The following CRMP1 variants were observed in gnomAD, a reference collection of about 807,000 sequenced individuals.
The protein encoded by CRMP1 is collapsin response mediator protein 1.
In CRMP1, 19 loss-of-function variants were observed where a neutral mutation model predicts 68.3. The ratio of observed to expected loss-of-function variants is 0.28; its 90% confidence interval spans 0.19 to 0.41. The LOEUF is 0.41. Ranked by LOEUF, CRMP1 falls within the 10% of genes least tolerant of loss-of-function variation. CRMP1 has a pLI of 1.00. For synonymous variants in CRMP1, 439 were observed against 399.6 expected, an observed-to-expected ratio of 1.10 and a Z score of -1.18; for missense variants, 791 against 967.4, an observed-to-expected ratio of 0.82 and a Z score of 2.42.
Position 5,854,941 on chromosome 4 carries a change from T to C in CRMP1, c.820+1202A>G, listed in dbSNP as rs1310579863. On this transcript the variant is annotated intron_variant, in intron 4 of 13. Coordinates refer to ENST00000324989, the MANE Select transcript of CRMP1 (RefSeq NM_001014809.3). The surrounding 1 kb of genome is among the most constrained non-coding windows in gnomAD (Gnocchi z 4.0). ...GCAAACAAATGTTTATATACAAAGA[T>C]GTTCACCGTAACAGGATTTATAATA... 6.6e-6 allele frequency among the ~76,000 whole-genome samples: 1 copy of C among 152,198 alleles called. No homozygotes were observed. Among genetic ancestry groups the C allele is most frequent in the Non-Finnish European group, 1.5e-5 (1 of 68,042 alleles).
rs929085208 is a variant in CRMP1 at position 5,891,556 on chromosome 4, C to T, written c.381+1033G>A. 6.6e-6 allele frequency among the ~76,000 whole-genome samples: 1 copy of T among 152,246 alleles called. No individual in the cohort carries two copies. Among genetic ancestry groups the T allele is most frequent in the Non-Finnish European group, 1.5e-5 (1 of 68,042 alleles). On this transcript the variant is annotated intron_variant, in intron 1 of 13. Transcript: ENST00000324989. This position sits in a 1 kb window ranked among gnomAD's most constrained non-coding sequence, Gnocchi z 5.2. ...ACAATGAATCCGTCGCTCACCCTAG[C>T]CTGGGAACTTCTGGAGGGTGGGGCC... is the stretch of plus-strand genomic sequence containing the variant.
intron 6 of CRMP1, among the ~76,000 whole-genome samples, chr4:5,845,060 T>A (rs1366165481): frequency 1.3e-5 from 2 of 152,202 alleles, no homozygotes; most frequent in African/African-American, 4.8e-5. Context: ...CAAAGATGGA[T>A]CTCACACGCC....
At chr4:5,848,470 G>C (rs146832814) in intron 6 of CRMP1, among the ~76,000 whole-genome samples, 116 of 152,290 alleles carry the variant, frequency 7.6e-4, no homozygotes, top group African/African-American at 2.7e-3. Flanking sequence ...TGGTATTACA[G>C]GCGTGAGCCA....
intron 11 of CRMP1, among the ~76,000 whole-genome samples, chr4:5,833,408 C>T (rs1426059670): frequency 2.7e-5 from 4 of 147,596 alleles, no homozygotes; most frequent in Non-Finnish European, 4.5e-5. Context: ...CCTCGTGATC[C>T]GCCCGCCTCG....
rs574459217 is a variant in CRMP1, at chr4:5,858,797, C to T, written c.655+2229G>A. On this transcript the variant is annotated intron_variant, in intron 3 of 13. Transcript: ENST00000324989. This position sits in a 1 kb window ranked among gnomAD's most constrained non-coding sequence, Gnocchi z 5.5. ...GCCCAGGGTTGTCCTCTCCTTCCAG[C>T]CTTGCCTCACAGGATGTCATCCCTC... 6.6e-6 allele frequency among the ~76,000 whole-genome samples: 1 copy of T among 152,180 alleles called. No homozygotes were observed. The highest frequency in any genetic ancestry group is 1.5e-5 in the Non-Finnish European group (1 of 68,036).
At position 5,850,616 on chromosome 4, in the gene CRMP1, T is replaced by A. The variant is rs1398616766; in HGVS notation, c.882+792A>T. ...GCACCATCCTAGCACTTTACTCTTC[T>A]TATGAAATCATTCAACTGCCTCTAT... On this transcript the variant is annotated intron_variant, in intron 5 of 13. Transcript: ENST00000324989. The surrounding 1 kb of genome is among the most constrained non-coding windows in gnomAD (Gnocchi z 4.4). Among the ~76,000 whole-genome samples the A allele has an allele frequency of 6.6e-6, 1 of 152,174 alleles. No individual in the cohort carries two copies. The highest frequency in any genetic ancestry group is 1.5e-5 in the Non-Finnish European group (1 of 68,028).
At chr4:5,832,509 C>CA (rs1720450429) in intron 11 of CRMP1, among the ~76,000 whole-genome samples, 1 of 152,314 alleles carries the variant, frequency 6.6e-6, no homozygotes, top group South Asian at 2.1e-4. Context: ...GATCTCTTTT[C>CA]ATTGTTAAAA....
At position 5,877,684 on chromosome 4, in the gene CRMP1, C is replaced by T. The variant is rs1714935384; in HGVS notation, c.382-10928G>A. Among the ~76,000 whole-genome samples, 1 of 152,176 alleles carries T rather than the reference C, an allele frequency of 6.6e-6. No individual in the cohort carries two copies. Among genetic ancestry groups the T allele is most frequent in the Admixed American group, 6.5e-5 (1 of 15,288 alleles). On this transcript the variant is annotated intron_variant, in intron 1 of 13. Coordinates refer to ENST00000324989, the MANE Select transcript of CRMP1 (RefSeq NM_001014809.3). The surrounding 1 kb of genome is among the most constrained non-coding windows in gnomAD (Gnocchi z 4.3). ...CGGGTAGGGGACAGGGCGGCTTTCC[C>T]CCTTTCATGAATGGGAGATACAGGT...
intron 12 of CRMP1, chr4:5,828,250 C>T (rs1262283960): frequency 9.1e-6 from 9 of 985,418 alleles, no homozygotes; most frequent in East Asian, 1.1e-4. Flanking sequence ...CCCACCCTCA[C>T]GGGTGCACAC....
At chr4:5,833,461 C>T (rs1291416537) in intron 11 of CRMP1, among the ~76,000 whole-genome samples, 1 of 86,644 alleles carries the variant, frequency 1.2e-5, no homozygotes, top group African/African-American at 5.0e-5. Flanking sequence ...CCACCGCGCC[C>T]GGCCCCAGAA....
rs1357955224 is a variant in CRMP1, at chr4:5,859,543, C to A, written c.655+1483G>T. 6.6e-6 allele frequency among the ~76,000 whole-genome samples: 1 copy of A among 152,232 alleles called. No individual in the cohort carries two copies. The highest frequency in any genetic ancestry group is 1.9e-4 in the East Asian group (1 of 5,202). ...GTCTCCAAACCACCCTAGGCACTTC[C>A]CACCATAAGGCCCACATTATAGATG... On this transcript the variant is annotated intron_variant, in intron 3 of 13. Coordinates refer to ENST00000324989, the MANE Select transcript of CRMP1 (RefSeq NM_001014809.3). The surrounding 1 kb of genome is among the most constrained non-coding windows in gnomAD (Gnocchi z 5.2).
chr4:5,823,604 C>A (rs1719042704), intron 13 of CRMP1, among the ~76,000 whole-genome samples: 1 of 152,154 alleles, frequency 6.6e-6, no homozygotes, highest in African/African-American at 2.4e-5. Flanking sequence ...TGAGTAAATT[C>A]TTGCTCTATT....
intron 13 of CRMP1, among the ~76,000 whole-genome samples, chr4:5,823,016 C>A (rs1246418786): frequency 2.0e-5 from 3 of 152,198 alleles, no homozygotes; most frequent in African/African-American, 4.8e-5. Flanking sequence ...ATCTGACTTT[C>A]TTTACCGACA....
chr4:5,825,976 C>T lies in CRMP1; in HGVS notation c.1804-317G>A. The T allele has an allele frequency of 2.5e-6, 1 of 393,458 alleles. No homozygotes were observed. 24.4% of individuals were successfully genotyped at this position (393,458 alleles called of 1,614,324 possible). A position where few individuals can be genotyped will look rare whatever the true frequency, so the allele number is the denominator to read the frequency against. On this transcript the variant is annotated intron_variant, in intron 12 of 13. Coordinates refer to ENST00000324989, the MANE Select transcript of CRMP1 (RefSeq NM_001014809.3). The surrounding 1 kb of genome is among the most constrained non-coding windows in gnomAD (Gnocchi z 4.4). Reference sequence around the variant, plus strand: ...TATGCATGCACATGCAGTAACAAAACAGGCCTACACAGTAGCATACACGCG... The same window carrying T: ...TATGCATGCACATGCAGTAACAAAATAGGCCTACACAGTAGCATACACGCG...
At chr4:5,880,847 A>C (rs1189829023) in intron 1 of CRMP1, among the ~76,000 whole-genome samples, 1 of 152,242 alleles carries the variant, frequency 6.6e-6, no homozygotes, top group Admixed American at 6.5e-5. Flanking sequence ...TCAGCAAGGA[A>C]GTCCACAATC....
chr4:5,843,169 A>T lies in CRMP1; in HGVS notation c.964-8T>A. The T allele has an allele frequency of 6.2e-7, 1 of 1,614,056 alleles. No homozygotes were observed. The highest frequency in any genetic ancestry group is 1.7e-5 in the Admixed American group (1 of 60,020). On this transcript the variant is annotated splice_polypyrimidine_tract_variant and splice_region_variant and intron_variant, in intron 6 of 13. Transcript: ENST00000324989. The surrounding 1 kb of genome is among the most constrained non-coding windows in gnomAD (Gnocchi z 4.1). ...CAGGATCCGCTTTTGTTCCTACAAG[A>T]CAAGAACAAGTGAGTTAACGATTAG... is the stretch of plus-strand genomic sequence containing the variant.
chr4:5,847,713 C>T (rs957571618), intron 6 of CRMP1, among the ~76,000 whole-genome samples: 4 of 152,242 alleles, frequency 2.6e-5, no homozygotes, highest in Non-Finnish European at 5.9e-5. Flanking sequence ...CCACTGCGCT[C>T]TGGAACTAGA....
chr4:5,887,329 C>T, intron 1 of CRMP1: 1 of 983,196 alleles, frequency 1.0e-6, no homozygotes, highest in Non-Finnish European at 1.2e-6. Context: ...CTGGAGTCAC[C>T]CTGGAGGATT....
In CRMP1 at chr4:5,890,751, G is replaced by C. The variant is rs1314383224; in HGVS notation, c.381+1838C>G. Among the ~76,000 whole-genome samples the C allele has an allele frequency of 1.3e-5, 2 of 152,190 alleles. No individual in the cohort carries two copies. On this transcript the variant is annotated intron_variant, in intron 1 of 13. Coordinates refer to ENST00000324989, the MANE Select transcript of CRMP1 (RefSeq NM_001014809.3). The surrounding 1 kb of genome is among the most constrained non-coding windows in gnomAD (Gnocchi z 5.5). ...CAGCGTCCCCAAGGGTCAGGGCGCA[G>C]CTGCGGGGCTGGCCCAGGCTGCGCC...
Sources: allele counts gnomAD v4.1 joint callset (sites outside exome capture counted in the v4.1 genomes callset), GRCh38; gene constraint gnomAD v4.1.1; non-coding constraint Gnocchi (gnomAD v3.1); transcripts MANE v1.5; gene names NCBI Gene and HGNC (gene_info 2026-07-23, HGNC 2026-07-21).